The following IL1RAPL1 variants were observed in gnomAD, a reference collection of about 807,000 sequenced individuals.
The protein encoded by IL1RAPL1 is interleukin 1 receptor accessory protein like 1, also known as interleukin-1 receptor accessory protein-like 1.
IL1RAPL1 carries 3 observed loss-of-function variants against 48.4 expected under a neutral mutation model. The observed-to-expected ratio is 0.06, with a 90% CI of 0.03 to 0.16. The LOEUF (loss-of-function observed/expected upper bound fraction) is 0.16. Among genes scored for constraint, IL1RAPL1 ranks in the 10% least tolerant of loss-of-function variants. The pLI is 1.00. For synonymous variants in IL1RAPL1, 185 were observed against 187.7 expected (o/e 0.99, Z 0.12); for missense variants, 349 against 530.6 (o/e 0.66, Z 3.36).
intron 5 of IL1RAPL1, among the ~76,000 whole-genome samples, chrX:29,663,766 C>A (rs755081015): frequency 2.7e-5 from 3 of 111,755 alleles, no homozygotes; most frequent in Admixed American, 9.5e-5. Context: ...CCTTTTGATC[C>A]TTTGGTTGGA....
chrX:29,256,412 A>G (rs566992810), intron 2 of IL1RAPL1, among the ~76,000 whole-genome samples: 10 of 111,684 alleles, frequency 9.0e-5, no homozygotes, highest in Admixed American at 8.6e-4. Context: ...TGCTGTGACT[A>G]TTTTTCTTAC....
intron 6 of IL1RAPL1, among the ~76,000 whole-genome samples, chrX:29,707,306 A>T (rs1335886679): frequency 8.9e-6 from 1 of 111,948 alleles, no homozygotes; most frequent in Non-Finnish European, 1.9e-5. Context: ...TGGCATTGAT[A>T]TGGTGAAAGG....
At chrX:28,953,834 C>T (rs1213426291) in intron 2 of IL1RAPL1, among the ~76,000 whole-genome samples, 2 of 111,299 alleles carry the variant, frequency 1.8e-5, no homozygotes, top group Non-Finnish European at 3.8e-5. Context: ...TGGCATCCTA[C>T]AAGACTACTT....
chrX:28,867,935 T>G, intron 2 of IL1RAPL1, among the ~76,000 whole-genome samples: 1 of 111,983 alleles, frequency 8.9e-6, no homozygotes, highest in Non-Finnish European at 1.9e-5. Flanking sequence ...GTTAAAATTT[T>G]TAATAAAATC....
chrX:29,427,647 G>A (rs1246137246), intron 5 of IL1RAPL1, among the ~76,000 whole-genome samples: 1 of 111,203 alleles, frequency 9.0e-6, no homozygotes, highest in Non-Finnish European at 1.9e-5. Context: ...CCAGGTTCAG[G>A]TGGCATCAGT....
chrX:29,719,395 C>T (rs1254955570), intron 6 of IL1RAPL1, among the ~76,000 whole-genome samples: 1 of 111,730 alleles, frequency 9.0e-6, no homozygotes, highest in Non-Finnish European at 1.9e-5. Context: ...CCACTACTTG[C>T]TTATCCTCCC....
chrX:28,977,884 A>C (rs1480796502), intron 2 of IL1RAPL1, among the ~76,000 whole-genome samples: 1 of 111,494 alleles, frequency 9.0e-6, no homozygotes. Flanking sequence ...TCGAACCAGG[A>C]CCCGGGGGGT....
intron 5 of IL1RAPL1, among the ~76,000 whole-genome samples, chrX:29,455,634 C>A (rs939213711): frequency 1.8e-5 from 2 of 111,205 alleles, no homozygotes; most frequent in Admixed American, 1.9e-4. Flanking sequence ...TAATACAAAA[C>A]CCCCTCCAGA....
chrX:29,241,602 A>G (rs1269195317), intron 2 of IL1RAPL1, among the ~76,000 whole-genome samples: 1 of 111,477 alleles, frequency 9.0e-6, no homozygotes, highest in Non-Finnish European at 1.9e-5. Flanking sequence ...AAATCTTGCT[A>G]CCACAATTGT....
At chrX:28,682,047 C>T (rs1935065928) in intron 1 of IL1RAPL1, among the ~76,000 whole-genome samples, 1 of 111,755 alleles carries the variant, frequency 8.9e-6, no homozygotes, top group Non-Finnish European at 1.9e-5. Context: ...TCATACAATA[C>T]GTGACTTTTC....
At chrX:29,533,190 A>G (rs1283900159) in intron 5 of IL1RAPL1, among the ~76,000 whole-genome samples, 1 of 112,296 alleles carries the variant, frequency 8.9e-6, no homozygotes, top group Non-Finnish European at 1.9e-5. Flanking sequence ...AGTTATGCAA[A>G]CATCACTACA....
At chrX:29,623,832 A>T (rs894776809) in intron 5 of IL1RAPL1, among the ~76,000 whole-genome samples, 5 of 111,662 alleles carry the variant, frequency 4.5e-5, no homozygotes, top group Non-Finnish European at 9.4e-5. Flanking sequence ...GAACTGAAAA[A>T]ACTGCTAGTT....
intron 2 of IL1RAPL1, among the ~76,000 whole-genome samples, chrX:28,896,859 C>G (rs1012277246): frequency 1.7e-4 from 19 of 110,805 alleles, no homozygotes; most frequent in Non-Finnish European, 3.4e-4. Context: ...GCCTGGACGT[C>G]AGGCACCTCA....
At chrX:28,781,900 G>A (rs901579292) in intron 1 of IL1RAPL1, among the ~76,000 whole-genome samples, 4 of 111,614 alleles carry the variant, frequency 3.6e-5, no homozygotes, top group African/African-American at 1.3e-4. Context: ...TGACATAATA[G>A]TCATTTAAAT....
chrX:28,857,020 G>C (rs1921821566), intron 2 of IL1RAPL1, among the ~76,000 whole-genome samples: 1 of 112,110 alleles, frequency 8.9e-6, no homozygotes. Context: ...ATGCTACTCA[G>C]TGAACACACA....
chrX:29,818,390 T>G, intron 6 of IL1RAPL1, among the ~76,000 whole-genome samples: 1 of 111,592 alleles, frequency 9.0e-6, no homozygotes, highest in Non-Finnish European at 1.9e-5. Context: ...GGGCAGATAC[T>G]GTAGTTTGGC....
At chrX:29,805,401 A>G (rs761107132) in intron 6 of IL1RAPL1, among the ~76,000 whole-genome samples, 103 of 109,146 alleles carry the variant, frequency 9.4e-4, no homozygotes, top group Non-Finnish European at 1.8e-3. Flanking sequence ...ACACACGCAC[A>G]CACACACACA....
intron 6 of IL1RAPL1, among the ~76,000 whole-genome samples, chrX:29,886,176 G>C (rs955749582): frequency 1.8e-5 from 2 of 112,207 alleles, no homozygotes; most frequent in East Asian, 2.8e-4. Context: ...GTCAGTCGTA[G>C]ATTTAACTCA....
intron 3 of IL1RAPL1, among the ~76,000 whole-genome samples, chrX:29,391,668 TGTAAA>T (rs1456474475): frequency 8.9e-6 from 1 of 111,918 alleles, no homozygotes; most frequent in Non-Finnish European, 1.9e-5. Flanking sequence ...TATTTTAGAC[TGTAAA>T]GTAAAGTAAA....
Sources: allele counts gnomAD v4.1 joint callset (sites outside exome capture counted in the v4.1 genomes callset), GRCh38; gene constraint gnomAD v4.1.1; transcripts MANE v1.5; gene names NCBI Gene and HGNC (gene_info 2026-07-23, HGNC 2026-07-21).